HACD4: variants seen among roughly 807,000 people sequenced by gnomAD.
HACD4 encodes the protein very-long-chain (3R)-3-hydroxyacyl-CoA dehydratase 4.
Under a neutral mutation model 33.3 loss-of-function variants are expected in HACD4, and 35 were observed. The ratio of observed to expected loss-of-function variants is 1.05; its 90% confidence interval spans 0.80 to 1.39. The LOEUF (loss-of-function observed/expected upper bound fraction) is 1.39, where lower values mean the gene tolerates loss of function less well. Ranked by LOEUF, HACD4 falls within the 40% of genes most tolerant of loss-of-function variation. The probability of loss-of-function intolerance (pLI) is 0.00; values close to 1 mark genes in which losing one functional copy is unlikely to be tolerated. For missense variants in HACD4, 323 were observed against 276.5 expected (o/e 1.17, Z -1.19); for synonymous variants, 118 against 98.0 (o/e 1.20, Z -1.21).
chr9:21,014,914 T>C (rs1053230755), intron 4 of HACD4, among the ~76,000 whole-genome samples: 1 of 152,088 alleles, frequency 6.6e-6, no homozygotes, highest in African/African-American at 2.4e-5. Flanking sequence ...TCTCTGACAC[T>C]GAAAGAGTAA....
At chr9:21,031,373 G>T in intron 1 of HACD4, 180 bp downstream of exon 1, 3 of 722,456 alleles carry the variant, frequency 4.2e-6, no homozygotes, top group Non-Finnish European at 3.4e-6. Context: ...TTCCTAGGGT[G>T]GTCAAGAGGG....
Position 21,017,283 on chromosome 9 carries a change from T to A in HACD4, c.271-1273A>T, listed in dbSNP as rs191266382. Among the ~76,000 whole-genome samples the A allele has an allele frequency of 1.1e-4, 17 of 152,258 alleles. No individual in the cohort carries two copies. In the East Asian group the frequency reaches 3.3e-3, roughly 29 times the overall value. On this transcript the variant is annotated intron_variant, in intron 3 of 6. Coordinates refer to ENST00000495827, the MANE Select transcript of HACD4 (RefSeq NM_001010915.5). ...CAGAAATCCACGTGTATAAGCTATA[T>A]CAGCATGTTTACGACATGACTACAG...
In HACD4 at chr9:21,002,485, TTA is replaced by T. The variant is rs1387334396; in HGVS notation, c.*4550_*4551del. The T allele has an allele frequency of 6.6e-6, 1 of 152,066 alleles. No homozygotes were observed. The highest frequency in any genetic ancestry group is 1.5e-5 in the Non-Finnish European group (1 of 67,976). The allele number at this position is 152,066 out of a possible 1,614,324, so 9.4% of individuals were successfully genotyped here. Reference sequence around the variant, plus strand: ...AAAGACAGATACTGTATGATTACATTTATATGAGGTACTTAGAGCAATCAAAA... The same window carrying T: ...AAAGACAGATACTGTATGATTACATTTATGAGGTACTTAGAGCAATCAAAA... On this transcript the variant is annotated 3_prime_UTR_variant, in exon 7 of 7. Coordinates refer to ENST00000495827, the MANE Select transcript of HACD4 (RefSeq NM_001010915.5).
At chr9:21,014,479 A>AT (rs1258936722) in intron 4 of HACD4, among the ~76,000 whole-genome samples, 3 of 152,222 alleles carry the variant, frequency 2.0e-5, no homozygotes, top group African/African-American at 7.2e-5. Flanking sequence ...CACATATTGG[A>AT]TGACTCCATT....
chr9:21,015,268 G>A (rs1435931659), intron 4 of HACD4: 2 of 152,118 alleles, frequency 1.3e-5, no homozygotes, highest in African/African-American at 2.4e-5. Context: ...AAGTAGGAGG[G>A]ACGGTTCTTA....
chr9:21,030,102 G>A (rs1434789736), intron 1 of HACD4, among the ~76,000 whole-genome samples: 1 of 151,932 alleles, frequency 6.6e-6, no homozygotes, highest in African/African-American at 2.4e-5. Context: ...TGCTCACCAA[G>A]GAATAAAAGA....
chr9:21,021,579 C>T (rs1454295811), intron 3 of HACD4, among the ~76,000 whole-genome samples: 3 of 152,214 alleles, frequency 2.0e-5, no homozygotes, highest in Non-Finnish European at 2.9e-5. Context: ...TTCCTATATA[C>T]CAATAACAGA....
intron 4 of HACD4, among the ~76,000 whole-genome samples, chr9:21,014,217 TC>T (rs1275810755): frequency 1.3e-5 from 2 of 152,202 alleles, no homozygotes; most frequent in Non-Finnish European, 2.9e-5. Flanking sequence ...GGAATTTCAC[TC>T]CTAGGTATAA....
intron 3 of HACD4, among the ~76,000 whole-genome samples, chr9:21,019,538 TTAATG>T (rs1242433316): frequency 1.3e-5 from 2 of 152,124 alleles, no homozygotes; most frequent in Non-Finnish European, 2.9e-5. Flanking sequence ...TAAATATACT[TTAATG>T]TAGTGATTTA....
intron 5 of HACD4, among the ~76,000 whole-genome samples, chr9:21,010,456 A>T (rs1020742362): frequency 6.7e-5 from 7 of 105,030 alleles, no homozygotes; most frequent in African/African-American, 2.2e-4. Context: ...ACATCCTGGT[A>T]CCCCCCCCCC....
Position 21,016,006 on chromosome 9 carries a change from G to A in HACD4, c.275C>T (p.Thr92Ile), listed in dbSNP as rs1266757628. The A allele has an allele frequency of 3.1e-6, 5 of 1,605,966 alleles. No individual in the cohort carries two copies. Among genetic ancestry groups the A allele is most frequent in the South Asian group, 1.1e-5 (1 of 90,750 alleles). The change falls in exon 4 of 7, where the codon ACA (threonine) becomes ATA (isoleucine). Residue 92 changes from threonine (T) to isoleucine (I), a missense_variant. By Grantham distance (89) the Thr-to-Ile change is moderately conservative. Transcript: ENST00000495827. The part of the protein sequence containing the change: ...NHLLPRFLQL[T>I]ERIIILFVVI... ...CACAAAAAGGATGATTATTCTTTCT[G>A]TGAGCTAACAAAGAAACAGCAAAGT...
chr9:21,027,674 G>A (rs770591606), intron 2 of HACD4, among the ~76,000 whole-genome samples: 1 of 152,186 alleles, frequency 6.6e-6, no homozygotes, highest in Non-Finnish European at 1.5e-5. Flanking sequence ...GGTATAACAC[G>A]TTCAGGGTTT....
In HACD4 at chr9:21,015,881, T is replaced by G; in HGVS notation, c.383+17A>C. 2 of 1,520,820 alleles carry G rather than the reference T, an allele frequency of 1.3e-6. No individual in the cohort carries two copies. The highest frequency in any genetic ancestry group is 1.8e-6 in the Non-Finnish European group (2 of 1,096,076). The allele number at this position is 1,520,820 out of a possible 1,614,324, so 94.2% of individuals were successfully genotyped here. On this transcript the variant is annotated intron_variant, in intron 4 of 6. Coordinates refer to ENST00000495827, the MANE Select transcript of HACD4 (RefSeq NM_001010915.5). ...AGCAATTTAGCCTTGTTTTAAGAGA[T>G]TATTTTGCCTTCTTACCTAACCATA...
intron 3 of HACD4, among the ~76,000 whole-genome samples, chr9:21,021,222 C>T (rs1017608157): frequency 6.6e-6 from 1 of 152,124 alleles, no homozygotes; most frequent in African/African-American, 2.4e-5. Context: ...ATTGATGGGA[C>T]GTATCTCAAA....
chr9:21,027,646 T>A (rs987068151), intron 2 of HACD4, among the ~76,000 whole-genome samples: 1 of 152,180 alleles, frequency 6.6e-6, no homozygotes, highest in Non-Finnish European at 1.5e-5. Context: ...CACAGCTCCG[T>A]GAAGGAAGAA....
chr9:21,024,852 G>A (rs1539747), intron 3 of HACD4, among the ~76,000 whole-genome samples: 91,639 of 152,078 alleles, frequency 0.6, 28,325 homozygotes, highest in Non-Finnish European at 0.68. Flanking sequence ...GATTTTAAAT[G>A]AATTTAGTCA....
chr9:21,031,010 G>T (rs1818199938), intron 1 of HACD4, among the ~76,000 whole-genome samples: 1 of 152,128 alleles, frequency 6.6e-6, no homozygotes. Context: ...TTTTATTTGG[G>T]GACATCCTCC....
At chr9:21,025,239 C>A (rs1818031758) in intron 3 of HACD4, among the ~76,000 whole-genome samples, 1 of 152,082 alleles carries the variant, frequency 6.6e-6, no homozygotes, top group Admixed American at 6.6e-5. Flanking sequence ...CCTACTGTTA[C>A]TTAATAAGCA....
chr9:21,010,456 A>ATCCCCCCCCCC lies in HACD4; in HGVS notation c.490+1132_490+1133insGGGGGGGGGGA, dbSNP rs1353043927. ...AAGAAACAGACTCAGACATCCTGGT[A>ATCCCCCCCCCC]CCCCCCCCCCCCCCAGAGCTTACAG... is the stretch of plus-strand genomic sequence containing the variant. On this transcript the variant is annotated intron_variant, in intron 5 of 6. Coordinates refer to ENST00000495827, the MANE Select transcript of HACD4 (RefSeq NM_001010915.5). Among the ~76,000 whole-genome samples the ATCCCCCCCCCC allele has an allele frequency of 6.7e-5, 7 of 104,992 alleles. 1 individual carries two copies. Among genetic ancestry groups the ATCCCCCCCCCC allele is most frequent in the African/African-American group, 3.1e-4 (7 of 22,578 alleles). 68.9% of individuals were successfully genotyped at this position (104,992 alleles called of 152,430 possible).
Sources: gnomAD v4.1 joint callset for allele counts (sites outside exome capture counted in the v4.1 genomes callset) on GRCh38, gnomAD v4.1.1 for gene constraint, MANE v1.5 for transcripts, NCBI Gene and HGNC (gene_info 2026-07-23, HGNC 2026-07-21) for gene names.